Variants in SGCD observed in about 807,000 individuals in gnomAD.
SGCD encodes delta-sarcoglycan.
SGCD carries 18 observed loss-of-function variants against 36.6 expected under a neutral mutation model. The observed-to-expected ratio is 0.49, with a 90% confidence interval of 0.34 to 0.73. The LOEUF (loss-of-function observed/expected upper bound fraction) is 0.73, where lower values mean the gene tolerates loss of function less well. Ranked by LOEUF, SGCD falls within the 30% of genes least tolerant of loss-of-function variation. The pLI is 0.01. For missense variants in SGCD, 387 were observed against 346.7 expected (o/e 1.12, Z -0.92); for synonymous variants, 133 against 130.6 (o/e 1.02, Z -0.12).
chr5:156,709,510 A>G (rs2113750245), intron 7 of SGCD, among the ~76,000 whole-genome samples: 1 of 152,318 alleles, frequency 6.6e-6, no homozygotes, highest in East Asian at 1.9e-4. Context: ...TCAGGAAAAA[A>G]GGGTTTGTGC....
the SGCD span, among the ~76,000 whole-genome samples, chr5:155,730,358 G>A: frequency 3.5e-4 from 53 of 152,038 alleles, no homozygotes; most frequent in African/African-American, 1.2e-3. Flanking sequence ...GTAGGTTGGG[G>A]ACAATTATCC....
At chr5:155,763,180 A>G in the SGCD span, among the ~76,000 whole-genome samples, 1 of 152,172 alleles carries the variant, frequency 6.6e-6, no homozygotes, top group African/African-American at 2.4e-5. Flanking sequence ...TGCTCTTTGA[A>G]GACATGATAG....
At chr5:156,398,918 T>A (rs1772001500) in intron 3 of SGCD, among the ~76,000 whole-genome samples, 1 of 152,182 alleles carries the variant, frequency 6.6e-6, no homozygotes, top group Non-Finnish European at 1.5e-5. Context: ...AGTTCCTCAG[T>A]CATCCTAGGC....
intron 3 of SGCD, among the ~76,000 whole-genome samples, chr5:156,507,838 G>A (rs769634884): frequency 2.0e-5 from 3 of 152,106 alleles, no homozygotes; most frequent in African/African-American, 4.8e-5. Flanking sequence ...ATTGCTGTAA[G>A]GAACTTAATT....
intron 3 of SGCD, among the ~76,000 whole-genome samples, chr5:156,171,822 G>A (rs1763352759): frequency 1.3e-5 from 2 of 152,100 alleles, no homozygotes; most frequent in Non-Finnish European, 2.9e-5. Flanking sequence ...ATGTCCCAGG[G>A]CACATACAGT....
chr5:156,209,918 C>A (rs1257692177), intron 3 of SGCD, among the ~76,000 whole-genome samples: 1 of 152,172 alleles, frequency 6.6e-6, no homozygotes, highest in Non-Finnish European at 1.5e-5. Flanking sequence ...CACTATTGGG[C>A]AGTGCACAAT....
At chr5:155,747,156 A>G in the SGCD span, among the ~76,000 whole-genome samples, 4 of 152,188 alleles carry the variant, frequency 2.6e-5, no homozygotes, top group Non-Finnish European at 5.9e-5. Flanking sequence ...TTTCTGGTTT[A>G]TATATATAAG....
chr5:155,926,954 G>A (rs1757007343), intron 1 of SGCD, among the ~76,000 whole-genome samples: 1 of 152,160 alleles, frequency 6.6e-6, no homozygotes, highest in South Asian at 2.1e-4. Context: ...GGTTTCTACA[G>A]TCAGGAAAAT....
chr5:156,348,785 A>T (rs1769084284), intron 3 of SGCD, among the ~76,000 whole-genome samples: 1 of 152,116 alleles, frequency 6.6e-6, no homozygotes. Context: ...AAAGAGTCCA[A>T]ATGGCCAAAG....
chr5:155,969,884 C>T (rs367821628), intron 1 of SGCD, among the ~76,000 whole-genome samples: 225 of 152,018 alleles, frequency 1.5e-3, no homozygotes, highest in African/African-American at 5.2e-3. Flanking sequence ...GCTAATCGTT[C>T]GACAAAAGAG....
intron 3 of SGCD, among the ~76,000 whole-genome samples, chr5:156,149,423 G>A (rs1762781481): frequency 6.6e-6 from 1 of 152,096 alleles, no homozygotes; most frequent in African/African-American, 2.4e-5. Context: ...ATCATGTTTT[G>A]GATGTCATTC....
chr5:156,702,512 A>G (rs993659167), intron 7 of SGCD, among the ~76,000 whole-genome samples: 10 of 152,166 alleles, frequency 6.6e-5, no homozygotes, highest in African/African-American at 2.4e-4. Context: ...TAATAAAACC[A>G]AAACCAAAAG....
At chr5:156,347,687 G>T (rs1229667804) in intron 3 of SGCD, among the ~76,000 whole-genome samples, 1 of 152,068 alleles carries the variant, frequency 6.6e-6, no homozygotes, top group African/African-American at 2.4e-5. Context: ...TTAATTTGTA[G>T]AACCTGTAAG....
intron 3 of SGCD, among the ~76,000 whole-genome samples, chr5:156,471,004 C>A (rs764209674): frequency 4.6e-5 from 7 of 151,964 alleles, no homozygotes. Flanking sequence ...TTCATCTGTT[C>A]AAATTTAAAT....
intron 1 of SGCD, among the ~76,000 whole-genome samples, chr5:155,944,479 A>G (rs748168890): frequency 6.6e-6 from 1 of 152,150 alleles, no homozygotes; most frequent in Non-Finnish European, 1.5e-5. Flanking sequence ...TATGATAGAC[A>G]TTGTTTTACC....
chr5:155,942,306 G>GTATC (rs1757341521), intron 1 of SGCD, among the ~76,000 whole-genome samples: 1 of 105,320 alleles, frequency 9.5e-6, no homozygotes, highest in Non-Finnish European at 2.1e-5. Flanking sequence ...ATGTATGTAT[G>GTATC]TATGTATGTA....
intron 1 of SGCD, among the ~76,000 whole-genome samples, chr5:156,035,219 A>G (rs1394261176): frequency 6.6e-6 from 1 of 152,138 alleles, no homozygotes; most frequent in Non-Finnish European, 1.5e-5. Context: ...TGTGCATTTT[A>G]AAGTTTGGGA....
chr5:156,275,267 T>C (rs1766285797), intron 3 of SGCD, among the ~76,000 whole-genome samples: 1 of 152,032 alleles, frequency 6.6e-6, no homozygotes, highest in South Asian at 2.1e-4. Flanking sequence ...GATGTTCAAG[T>C]CCAGGATAGA....
chr5:155,757,810 A>T, the SGCD span, among the ~76,000 whole-genome samples: 33 of 152,054 alleles, frequency 2.2e-4, no homozygotes, highest in Non-Finnish European at 1.2e-4. Context: ...TTGAATTCCC[A>T]GATGTTGTGG....
Sources: allele counts gnomAD v4.1 joint callset (sites outside exome capture counted in the v4.1 genomes callset), GRCh38; gene constraint gnomAD v4.1.1; transcripts MANE v1.5; gene names NCBI Gene and HGNC (gene_info 2026-07-23, HGNC 2026-07-21).